Variants in SCN9A observed in about 807,000 individuals in gnomAD.
The protein encoded by SCN9A is sodium channel protein type 9 subunit alpha.
SCN9A carries 131 observed loss-of-function variants against 187.0 expected under a neutral mutation model. The ratio of observed to expected loss-of-function variants is 0.70; its 90% confidence interval spans 0.61 to 0.81. SCN9A has a LOEUF of 0.81. Among genes scored for constraint, SCN9A ranks in the 30% least tolerant of loss-of-function variants. SCN9A has a pLI of 0.00. For missense variants in SCN9A, 2,252 were observed against 2,396.6 expected, an observed-to-expected ratio of 0.94 and a Z score of 1.26; for synonymous variants, 809 against 808.6, an observed-to-expected ratio of 1.00 and a Z score of -0.01.
intron 24 of SCN9A, among the ~76,000 whole-genome samples, chr2:166,209,892 C>T (rs1044102626): frequency 1.3e-5 from 2 of 152,094 alleles, no homozygotes; most frequent in African/African-American, 4.8e-5. Flanking sequence ...TGTGGAAGTC[C>T]GTGTGGCGAT....
chr2:166,323,245 C>A (rs1375906908), intron 1 of SCN9A, among the ~76,000 whole-genome samples: 1 of 152,038 alleles, frequency 6.6e-6, no homozygotes, highest in Non-Finnish European at 1.5e-5. Flanking sequence ...GAACAGAATA[C>A]AAGAATGATC....
chr2:166,218,382 A>T (rs1279715993), intron 24 of SCN9A, among the ~76,000 whole-genome samples: 1 of 152,066 alleles, frequency 6.6e-6, no homozygotes, highest in Non-Finnish European at 1.5e-5. Flanking sequence ...CACGTTGTGC[A>T]CATGTACCCT....
Position 166,364,674 on chromosome 2 carries a change from G to C in SCN9A, c.-51+11023C>G, listed in dbSNP as rs576600072. On this transcript the variant is annotated intron_variant, in intron 1 of 26. Coordinates refer to ENST00000642356, the MANE Select transcript of SCN9A (RefSeq NM_001365536.1). ...GAATAGTGGTTACTGGGTGATAGGG[G>C]AAGAGAGGAGTGTGGAGTCATTGTT... Among the ~76,000 whole-genome samples, 12 of 152,204 alleles carry C rather than the reference G, an allele frequency of 7.9e-5. No homozygotes were observed. In the South Asian group the frequency reaches 8.3e-4, roughly 11 times the overall value.
intron 24 of SCN9A, among the ~76,000 whole-genome samples, chr2:166,212,862 TAAAC>T (rs1694157882): frequency 6.6e-6 from 1 of 151,932 alleles, no homozygotes; most frequent in Non-Finnish European, 1.5e-5. Flanking sequence ...ATGTGGAAAT[TAAAC>T]AACACTCTCT....
intron 1 of SCN9A, among the ~76,000 whole-genome samples, chr2:166,358,163 G>T (rs1700197160): frequency 6.6e-6 from 1 of 151,678 alleles, no homozygotes; most frequent in African/African-American, 2.4e-5. Flanking sequence ...TCTGCCTCCT[G>T]GGTTCAAGCA....
chr2:166,300,535 C>G (rs1165031109), intron 7 of SCN9A, among the ~76,000 whole-genome samples: 2 of 150,884 alleles, frequency 1.3e-5, no homozygotes, highest in East Asian at 3.9e-4. Context: ...ATTTATTTGT[C>G]TGTTCCCCCT....
At chr2:166,375,227 T>C (rs1465535631) in intron 1 of SCN9A, among the ~76,000 whole-genome samples, 1 of 152,170 alleles carries the variant, frequency 6.6e-6, no homozygotes, top group African/African-American at 2.4e-5. Context: ...GCGGGGTTCT[T>C]TTCTGTCCCC....
rs753071675 is a variant in SCN9A at position 166,288,599 on chromosome 2, T to C, written c.1152A>G (p.Val384=). ...AGKTYMIFFV[V]VIFLGSFYLI... is the part of the protein sequence containing the mutation. ...GATAAAAGGAGCCCAGGAAAATCAC[T>C]ACGACAAAGAAGATCATGTAGGTTT... The change falls in exon 10 of 27, where the codon GTA becomes GTG. Residue 384 remains valine (V), a synonymous_variant. Coordinates refer to ENST00000642356, the MANE Select transcript of SCN9A (RefSeq NM_001365536.1). The C allele has an allele frequency of 6.2e-7, 1 of 1,611,898 alleles. No individual in the cohort carries two copies.
chr2:166,262,829 G>A (rs1042796628), intron 17 of SCN9A, among the ~76,000 whole-genome samples: 21 of 151,862 alleles, frequency 1.4e-4, no homozygotes, highest in African/African-American at 4.4e-4. Context: ...CATTTTATCC[G>A]TGTGTGTGTG....
intron 25 of SCN9A, 27 bp from the exon 26 acceptor site, chr2:166,204,252 A>G (rs751545030): frequency 1.4e-5 from 23 of 1,596,856 alleles, no homozygotes; most frequent in Non-Finnish European, 1.8e-5. Flanking sequence ...ATAATATCGA[A>G]TGCAGAGTAA....
intron 1 of SCN9A, among the ~76,000 whole-genome samples, chr2:166,355,007 C>T (rs1700119406): frequency 6.6e-6 from 1 of 151,936 alleles, no homozygotes; most frequent in African/African-American, 2.4e-5. Flanking sequence ...GCAATCATAG[C>T]TGACTGCAAC....
At chr2:166,263,094 G>T (rs1404892659) in intron 17 of SCN9A, among the ~76,000 whole-genome samples, 1 of 151,926 alleles carries the variant, frequency 6.6e-6, no homozygotes, top group Non-Finnish European at 1.5e-5. Context: ...AAAGGTAAAG[G>T]GAGAGCCTGC....
At chr2:166,202,458 C>T (rs1338179219) in intron 26 of SCN9A, among the ~76,000 whole-genome samples, 1 of 151,576 alleles carries the variant, frequency 6.6e-6, no homozygotes, top group Non-Finnish European at 1.5e-5. Flanking sequence ...CAGAATAAGC[C>T]ACCTCTTGTC....
At chr2:166,242,803 T>C (rs1034758846) in intron 18 of SCN9A, 147 bp from the exon 19 acceptor site, 7 of 576,458 alleles carry the variant, frequency 1.2e-5, no homozygotes, top group Non-Finnish European at 1.5e-5. Context: ...AGATTTAATT[T>C]GGATGCTGCC....
chr2:166,222,930 CAA>C (rs1369885268), intron 24 of SCN9A, among the ~76,000 whole-genome samples: 2 of 19,538 alleles, frequency 1.0e-4, no homozygotes, highest in Non-Finnish European at 1.8e-4. Context: ...AACTCCGTCT[CAA>C]AAAAAAAAAC....
At chr2:166,373,301 T>C (rs565779439) in intron 1 of SCN9A, among the ~76,000 whole-genome samples, 1 of 147,798 alleles carries the variant, frequency 6.8e-6, no homozygotes, top group Non-Finnish European at 1.5e-5. Flanking sequence ...TCTTCTCCTC[T>C]TCTTCTTCCT....
At chr2:166,304,387 A>C in intron 5 of SCN9A, 58 bp from the exon 6 acceptor site, 1 of 1,439,666 alleles carries the variant, frequency 6.9e-7, no homozygotes, top group Middle Eastern at 2.3e-4. Context: ...TACTTACCTG[A>C]GCCTTTAGTC....
At chr2:166,206,810 T>G (rs567160369) in intron 24 of SCN9A, among the ~76,000 whole-genome samples, 77 of 152,268 alleles carry the variant, frequency 5.1e-4, no homozygotes, top group Non-Finnish European at 1.5e-5. Context: ...AAGAAACTCT[T>G]TGACTACCTT....
intron 17 of SCN9A, among the ~76,000 whole-genome samples, chr2:166,269,458 G>A (rs1485791560): frequency 6.6e-6 from 1 of 151,986 alleles, no homozygotes; most frequent in Admixed American, 6.6e-5. Context: ...TGGACAAAGA[G>A]AGGACAAGAG....
Sources: allele counts gnomAD v4.1 joint callset (sites outside exome capture counted in the v4.1 genomes callset), GRCh38; gene constraint gnomAD v4.1.1; transcripts MANE v1.5; gene names NCBI Gene and HGNC (gene_info 2026-07-23, HGNC 2026-07-21).